Variants in TET2 observed in about 807,000 individuals in gnomAD.
The protein encoded by TET2 is methylcytosine dioxygenase TET2.
TET2 carries 299 observed loss-of-function variants against 142.9 expected under a neutral mutation model. That is an observed-to-expected ratio of 2.09 (90% CI 1.90 to 2.30). The LOEUF (loss-of-function observed/expected upper bound fraction) is 2.30, where lower values mean the gene tolerates loss of function less well. Ranked by LOEUF, TET2 falls within the 30% of genes most tolerant of loss-of-function variation. TET2 has a pLI of 0.00. For synonymous variants in TET2, 819 were observed against 849.0 expected, an observed-to-expected ratio of 0.96 and a Z score of 0.61; for missense variants, 2,418 against 2,378.0, an observed-to-expected ratio of 1.02 and a Z score of -0.35.
At chr4:105,180,208 A>C (rs1725035083) in intron 1 of TET2, among the ~76,000 whole-genome samples, 1 of 152,210 alleles carries the variant, frequency 6.6e-6, no homozygotes, top group Non-Finnish European at 1.5e-5. Context: ...AACCTGAGTC[A>C]ACTTGGCATA....
intron 6 of TET2, among the ~76,000 whole-genome samples, chr4:105,252,994 G>T (rs1388522930): frequency 1.3e-5 from 2 of 152,048 alleles, no homozygotes; most frequent in Non-Finnish European, 2.9e-5. Context: ...TGATATATTT[G>T]TCTAGACTTT....
rs1728257339 is a variant in TET2, at chr4:105,227,492, TAGACCTTC to T, written c.-46-6403_-46-6396del. Reference sequence around the variant, plus strand: ...TTTGCATACAGTGAATTACAATGTGTAGACCTTCAATAGCAAGGTGTTTGAATATTTAG... The same window carrying T: ...TTTGCATACAGTGAATTACAATGTGTAATAGCAAGGTGTTTGAATATTTAG... On this transcript the variant is annotated intron_variant, in intron 2 of 10. Coordinates refer to ENST00000380013, the MANE Select transcript of TET2 (RefSeq NM_001127208.3). Among the ~76,000 whole-genome samples the T allele has an allele frequency of 1.4e-5, 2 of 146,788 alleles. 1 individual carries two copies. The highest frequency in any genetic ancestry group is 5.5e-5 in the African/African-American group (2 of 36,466).
chr4:105,189,618 C>G (rs1348580048), intron 1 of TET2, among the ~76,000 whole-genome samples: 1 of 152,172 alleles, frequency 6.6e-6, no homozygotes, highest in Non-Finnish European at 1.5e-5. Context: ...AACCTACTCC[C>G]TTTTATCAGT....
intron 2 of TET2, among the ~76,000 whole-genome samples, chr4:105,214,471 AT>A (rs35752514): frequency 8.7e-4 from 80 of 92,100 alleles, no homozygotes; most frequent in Middle Eastern, 7.0e-3. Flanking sequence ...CACACCTGGC[AT>A]TTTTTTTTTT....
chr4:105,243,583 GC>G lies in TET2; in HGVS notation c.3609del (p.Ser1203ArgfsTer23). ...TGATCCACGCAGGTGGTTCGCAGAA[GC>G]AGCAGTGAAGAGAAGCTACTGTGTT... ...CPIAKWVVRR[S>X]SSEEKLLCLV... is the part of the protein sequence containing the mutation. On this transcript the variant is annotated frameshift_variant, in exon 6 of 11. Transcript: ENST00000380013. LOFTEE classifies it high-confidence loss of function. The G allele has an allele frequency of 6.4e-7, 1 of 1,551,630 alleles. No individual in the cohort carries two copies. The highest frequency in any genetic ancestry group is 8.7e-7 in the Non-Finnish European group (1 of 1,146,930).
intron 2 of TET2, among the ~76,000 whole-genome samples, chr4:105,196,274 A>G (rs189253726): frequency 1.3e-4 from 19 of 151,332 alleles, no homozygotes; most frequent in African/African-American, 4.1e-4. Flanking sequence ...ATGGATACCC[A>G]TTTCAGACTT....
intron 2 of TET2, among the ~76,000 whole-genome samples, chr4:105,200,780 C>T (rs1383158259): frequency 6.6e-6 from 1 of 152,088 alleles, no homozygotes; most frequent in Non-Finnish European, 1.5e-5. Flanking sequence ...TCTGCCTCAG[C>T]CTCCTGAGTA....
At chr4:105,162,148 AACAC>A (rs1270621881) in intron 1 of TET2, among the ~76,000 whole-genome samples, 3 of 152,196 alleles carry the variant, frequency 2.0e-5, no homozygotes, top group Non-Finnish European at 4.4e-5. Context: ...TGAGGCACCA[AACAC>A]ACACACAAAA....
chr4:105,249,520 CAA>C (rs1307989931), intron 6 of TET2, among the ~76,000 whole-genome samples: 5 of 152,144 alleles, frequency 3.3e-5, no homozygotes, highest in African/African-American at 1.2e-4. Context: ...GAAGAACTGC[CAA>C]ACTGTTTTCC....
intron 2 of TET2, among the ~76,000 whole-genome samples, chr4:105,192,509 C>T (rs980517054): frequency 6.6e-6 from 1 of 152,086 alleles, no homozygotes; most frequent in South Asian, 2.1e-4. Context: ...TATGCATTAC[C>T]TGTACATTGC....
At position 105,220,776 on chromosome 4, in the gene TET2, A is replaced by G. The variant is rs564384174; in HGVS notation, c.-46-13121A>G. On this transcript the variant is annotated intron_variant, in intron 2 of 10. Transcript: ENST00000380013. The stretch of plus-strand genomic sequence containing the variant: ...AGAGGCCTACAAGGGCTCTCACTGC[A>G]CAGTACCCTGATAGGAGAGATCTGT... Among the ~76,000 whole-genome samples the G allele has an allele frequency of 1.4e-4, 22 of 152,130 alleles. 1 individual carries two copies. The highest frequency in any genetic ancestry group is 3.3e-4 in the Admixed American group (5 of 15,258).
chr4:105,208,078 A>G (rs888933493), intron 2 of TET2, among the ~76,000 whole-genome samples: 2 of 152,174 alleles, frequency 1.3e-5, no homozygotes, highest in Non-Finnish European at 2.9e-5. Context: ...CAGATCTGAG[A>G]TTAAATTGCT....
In TET2 at chr4:105,190,604, G is replaced by T; in HGVS notation, c.-47+99G>T. 4.7e-6 allele frequency: 3 copies of T among 640,958 alleles called. No individual in the cohort carries two copies. In the South Asian group the frequency reaches 5.3e-5, roughly 11 times the overall value. 39.7% of individuals were successfully genotyped at this position (640,958 alleles called of 1,614,324 possible). On this transcript the variant is annotated intron_variant, in intron 2 of 10. Coordinates refer to ENST00000380013, the MANE Select transcript of TET2 (RefSeq NM_001127208.3). ...CCAAACTTCAACTTCAAGTTACCCT[G>T]CACCCTCTCAAATACTTTTCTTTAT...
At position 105,233,383 on chromosome 4, in the gene TET2, CAAA is replaced by C. The variant is rs34890297; in HGVS notation, c.-46-498_-46-496del. On this transcript the variant is annotated intron_variant, in intron 2 of 10. Transcript: ENST00000380013. The stretch of plus-strand genomic sequence containing the variant: ...TGGGCAAGAGAGTGAGACTCCATCT[CAAA>C]AAAAAAAAAAAAAAAGCTACTGCAG... Among the ~76,000 whole-genome samples, 24 of 76,138 alleles carry C rather than the reference CAAA, an allele frequency of 3.2e-4. 1 individual carries two copies. Among genetic ancestry groups the C allele is most frequent in the African/African-American group, 1.4e-3 (22 of 16,280 alleles). The allele number at this position is 76,138 out of a possible 152,430, so 49.9% of individuals were successfully genotyped here.
chr4:105,262,080 TTCTA>T (rs1275439020), intron 8 of TET2, among the ~76,000 whole-genome samples: 4 of 152,166 alleles, frequency 2.6e-5, no homozygotes, highest in African/African-American at 9.7e-5. Context: ...TCACAGGCTG[TTCTA>T]TCTACTAATC....
intron 2 of TET2, among the ~76,000 whole-genome samples, chr4:105,197,046 C>T (rs142881052): frequency 6.6e-6 from 1 of 152,122 alleles, no homozygotes; most frequent in Non-Finnish European, 1.5e-5. Context: ...ATCTCATTTG[C>T]AAAGTTACAT....
intron 2 of TET2, among the ~76,000 whole-genome samples, chr4:105,219,032 T>C (rs1727659606): frequency 6.6e-6 from 1 of 152,022 alleles, no homozygotes; most frequent in African/African-American, 2.4e-5. Flanking sequence ...TATATGATAC[T>C]CTTTTAAAGC....
chr4:105,236,024 T>TA lies in TET2; in HGVS notation c.2083dup (p.Met695AsnfsTer17). On this transcript the variant is annotated frameshift_variant, in exon 3 of 11. Transcript: ENST00000380013. LOFTEE classifies it high-confidence loss of function. ...GAGCAGATTCCCAAACTGAAAAACTTATGTCCCCAGTGTTGAAACAGCACT... is the reference window on the plus strand; with the variant it reads ...GAGCAGATTCCCAAACTGAAAAACTTAATGTCCCCAGTGTTGAAACAGCACT... 1.9e-6 allele frequency: 3 copies of TA among 1,614,138 alleles called. No homozygotes were observed. Among genetic ancestry groups the TA allele is most frequent in the South Asian group, 1.1e-5 (1 of 91,080 alleles).
At chr4:105,154,790 G>A (rs971100692) in intron 1 of TET2, among the ~76,000 whole-genome samples, 3 of 152,086 alleles carry the variant, frequency 2.0e-5, no homozygotes, top group Admixed American at 6.5e-5. Context: ...TTTGCGAGGC[G>A]GAAGTGGGTG....
Sources: allele counts gnomAD v4.1 joint callset (sites outside exome capture counted in the v4.1 genomes callset), GRCh38; gene constraint gnomAD v4.1.1; transcripts MANE v1.5; gene names NCBI Gene and HGNC (gene_info 2026-07-23, HGNC 2026-07-21).